Variants in HKDC1 observed in about 807,000 individuals in gnomAD.
HKDC1 encodes hexokinase HKDC1.
HKDC1 carries 66 observed loss-of-function variants against 96.6 expected under a neutral mutation model. That is an observed-to-expected ratio of 0.68 (90% CI 0.56 to 0.84). The LOEUF is 0.84. Among genes scored for constraint, HKDC1 ranks in the 40% least tolerant of loss-of-function variants. The pLI, the probability that HKDC1 is intolerant of heterozygous loss-of-function variation, is 0.00. For synonymous variants in HKDC1, 466 were observed against 473.1 expected (o/e 0.98, Z 0.20); for missense variants, 1,211 against 1,208.1 (o/e 1.00, Z -0.04).
At chr10:69,236,807 A>C (rs1304255698) in intron 4 of HKDC1, among the ~76,000 whole-genome samples, 1 of 152,124 alleles carries the variant, frequency 6.6e-6, no homozygotes, top group African/African-American at 2.4e-5. Flanking sequence ...TGTATCAAGG[A>C]AGGGAAAAAT....
chr10:69,227,074 C>T, intron 1 of HKDC1, 133 bp from the exon 2 acceptor site: 2 of 972,732 alleles, frequency 2.1e-6, no homozygotes. Flanking sequence ...GATAGGGAGG[C>T]TTTGGGAATC....
In HKDC1 at chr10:69,228,814, C is replaced by T. The variant is rs979417174; in HGVS notation, c.226+1445C>T. 3.3e-5 allele frequency among the ~76,000 whole-genome samples: 5 copies of T among 150,946 alleles called. No homozygotes were observed. The East Asian group carries it at 5.9e-4, about 18-fold the overall frequency. The stretch of plus-strand genomic sequence containing the variant: ...CTGCAAGGCAGAGGTTGCAGTGAGC[C>T]GAGATTGCGCCACTGCACTCCAGCC... On this transcript the variant is annotated intron_variant, in intron 2 of 17. Coordinates refer to ENST00000354624, the MANE Select transcript of HKDC1 (RefSeq NM_025130.4).
chr10:69,233,727 T>C (rs1843313372), intron 4 of HKDC1, among the ~76,000 whole-genome samples: 1 of 151,352 alleles, frequency 6.6e-6, no homozygotes, highest in Admixed American at 6.6e-5. Context: ...TGAAACCCCG[T>C]CTCTACTAAA....
intron 2 of HKDC1, among the ~76,000 whole-genome samples, chr10:69,228,397 CT>C (rs1156795779): frequency 6.6e-6 from 1 of 152,178 alleles, no homozygotes; most frequent in Admixed American, 6.5e-5. Flanking sequence ...CTTAATTCCC[CT>C]TTGCCTTGCA....
rs372762939 is a variant in HKDC1 at position 69,227,385 on chromosome 10, C to T, written c.226+16C>T. On this transcript the variant is annotated intron_variant, in intron 2 of 17. Transcript: ENST00000354624. ...GATGGTTCCGGTGAGTGCAGTTGTC[C>T]GCTGCCAGGGTCCCTGGCTCCTCTT... 31 of 1,613,748 alleles carry T rather than the reference C, an allele frequency of 1.9e-5. No individual in the cohort carries two copies. In the East Asian group the frequency reaches 2.9e-4, roughly 15 times the overall value.
At chr10:69,253,065 G>T (rs926328097) in intron 12 of HKDC1, among the ~76,000 whole-genome samples, 1 of 151,718 alleles carries the variant, frequency 6.6e-6, no homozygotes, top group Non-Finnish European at 1.5e-5. Flanking sequence ...TATGTGTAAT[G>T]AATAAAGATT....
At chr10:69,266,327 C>T (rs1328681734) in intron 17 of HKDC1, among the ~76,000 whole-genome samples, 3 of 151,932 alleles carry the variant, frequency 2.0e-5, no homozygotes, top group South Asian at 2.1e-4. Flanking sequence ...ATTAGCTGGG[C>T]GTGATAGTGC....
chr10:69,224,408 G>A (rs997045461), intron 1 of HKDC1, among the ~76,000 whole-genome samples: 2 of 151,514 alleles, frequency 1.3e-5, no homozygotes, highest in East Asian at 3.9e-4. Context: ...CTCAGCCTCC[G>A]AAGTAGCTGG....
At chr10:69,252,576 C>T (rs1267393031) in intron 12 of HKDC1, among the ~76,000 whole-genome samples, 5 of 145,110 alleles carry the variant, frequency 3.4e-5, no homozygotes, top group East Asian at 4.2e-4. Flanking sequence ...ACCCAGGAGG[C>T]GGAGCTTGCA....
chr10:69,260,976 G>C (rs1407180892), intron 15 of HKDC1, among the ~76,000 whole-genome samples, 163 bp from the exon 16 acceptor site: 1 of 152,162 alleles, frequency 6.6e-6, no homozygotes, highest in Non-Finnish European at 1.5e-5. Flanking sequence ...TCCCTGTTTT[G>C]TAGATGATAG....
At chr10:69,223,042 G>GGAAACAAAAAT (rs1843092051) in intron 1 of HKDC1, 1 of 151,908 alleles carries the variant, frequency 6.6e-6, no homozygotes, top group Non-Finnish European at 1.5e-5. Context: ...ATACCAGCAT[G>GGAAACAAAAAT]GAAACAAAAA....
intron 9 of HKDC1, 46 bp downstream of exon 9, chr10:69,247,639 G>C (rs1192297094): frequency 1.3e-6 from 2 of 1,489,902 alleles, no homozygotes; most frequent in South Asian, 2.3e-5. Flanking sequence ...AGTCTCCCTG[G>C]AGCAGGGCCC....
chr10:69,228,947 A>G (rs1843205267), intron 2 of HKDC1, among the ~76,000 whole-genome samples: 1 of 151,210 alleles, frequency 6.6e-6, no homozygotes, highest in Non-Finnish European at 1.5e-5. Context: ...AGAAAGAGAA[A>G]GAAAGAAAGA....
chr10:69,247,518 T>C lies in HKDC1; in HGVS notation c.1190T>C (p.Leu397Pro). Residue 397 changes from leucine (L) to proline (P), a missense_variant, in exon 9 of 18, where the codon CTC becomes CCC. Transcript: ENST00000354624. Reference protein sequence around the residue: ...AAALAAILTRLRENKKVERLR... With the variant: ...AAALAAILTRPRENKKVERLR... The stretch of plus-strand genomic sequence containing the variant: ...GCTCTGGCGGCCATCCTGACACGCC[T>C]CCGGGAGAACAAGAAGGTGGAACGG... 6.2e-7 allele frequency: 1 copy of C among 1,614,080 alleles called. No homozygotes were observed. The highest frequency in any genetic ancestry group is 8.5e-7 in the Non-Finnish European group (1 of 1,180,008).
At chr10:69,237,491 A>G (rs1843381041) in intron 4 of HKDC1, among the ~76,000 whole-genome samples, 1 of 152,186 alleles carries the variant, frequency 6.6e-6, no homozygotes, top group Non-Finnish European at 1.5e-5. Flanking sequence ...ATTAAATACA[A>G]GTGTTATCCT....
intron 4 of HKDC1, among the ~76,000 whole-genome samples, chr10:69,237,277 T>TGTG (rs1843375516): frequency 1.4e-5 from 2 of 145,694 alleles, no homozygotes; most frequent in Non-Finnish European, 3.0e-5. Flanking sequence ...AGAAATTTCT[T>TGTG]TGTGTGTGTG....
Position 69,243,226 on chromosome 10 carries a change from G to A in HKDC1, c.736G>A (p.Asp246Asn), listed in dbSNP as rs377243106. 1.2e-5 allele frequency: 20 copies of A among 1,614,118 alleles called. No individual in the cohort carries two copies. The highest frequency in any genetic ancestry group is 1.6e-5 in the Non-Finnish European group (19 of 1,180,052). Residue 246 changes from aspartate to asparagine, a missense_variant, in exon 7 of 18, where the codon GAC becomes AAC. Physicochemically the swap from Asp to Asn is conservative, Grantham distance 23. Coordinates refer to ENST00000354624, the MANE Select transcript of HKDC1 (RefSeq NM_025130.4). ...ACYMEDMSNI[D>N]LVEGDEGRMC... ...TTACATGGAGGACATGAGCAACATT[G>A]ACCTGGTGGAGGGCGACGAGGGCAG...
chr10:69,251,693 A>C (rs965473560), intron 12 of HKDC1, among the ~76,000 whole-genome samples: 6 of 151,578 alleles, frequency 4.0e-5, no homozygotes, highest in African/African-American at 1.2e-4. Context: ...GTAAAAGTCT[A>C]TACTTCTCTT....
chr10:69,246,673 C>T (rs1485227562), intron 8 of HKDC1, among the ~76,000 whole-genome samples: 1 of 152,220 alleles, frequency 6.6e-6, no homozygotes, highest in Non-Finnish European at 1.5e-5. Context: ...GAGCCTTCTC[C>T]ACCTGCTCCC....
Sources: gnomAD v4.1 joint callset for allele counts (sites outside exome capture counted in the v4.1 genomes callset) on GRCh38, gnomAD v4.1.1 for gene constraint, MANE v1.5 for transcripts, NCBI Gene and HGNC (gene_info 2026-07-23, HGNC 2026-07-21) for gene names.